The following TBC1D5 variants were observed in gnomAD, a reference collection of about 807,000 sequenced individuals.
The protein encoded by TBC1D5 is TBC1 domain family member 5, also known as TBC1 domain family, member 5.
TBC1D5 carries 75 observed loss-of-function variants against 100.3 expected under a neutral mutation model. The ratio of observed to expected loss-of-function variants is 0.75; its 90% CI spans 0.62 to 0.91. TBC1D5 has a LOEUF of 0.91. Among genes scored for constraint, TBC1D5 ranks in the 40% least tolerant of loss-of-function variants. The probability of loss-of-function intolerance (pLI) is 0.00; values close to 1 mark genes in which losing one functional copy is unlikely to be tolerated. For missense variants in TBC1D5, 910 were observed against 942.4 expected, an observed-to-expected ratio of 0.97 and a Z score of 0.45; for synonymous variants, 323 against 325.6, an observed-to-expected ratio of 0.99 and a Z score of 0.09.
chr3:17,215,693 A>C (rs981875662), intron 17 of TBC1D5, among the ~76,000 whole-genome samples: 1 of 152,168 alleles, frequency 6.6e-6, no homozygotes, highest in Non-Finnish European at 1.5e-5. Context: ...ATTTAGGACC[A>C]CAGATTGGCC....
At chr3:17,461,380 G>C (rs886382160) in intron 3 of TBC1D5, among the ~76,000 whole-genome samples, 7 of 152,154 alleles carry the variant, frequency 4.6e-5, no homozygotes, top group African/African-American at 1.7e-4. Flanking sequence ...CCAAGACTGA[G>C]AAGATTTCCA....
intron 2 of TBC1D5, among the ~76,000 whole-genome samples, chr3:17,542,375 C>CA (rs1056042915): frequency 4.0e-5 from 6 of 151,822 alleles, no homozygotes; most frequent in African/African-American, 7.3e-5. Flanking sequence ...TTCTCTCTCT[C>CA]AAAAAAAATT....
intron 13 of TBC1D5, among the ~76,000 whole-genome samples, chr3:17,319,975 A>T (rs747037849): frequency 3.9e-5 from 6 of 152,230 alleles, no homozygotes; most frequent in Non-Finnish European, 7.3e-5. Context: ...ACAAATAAAT[A>T]ACTTGCTCTT....
chr3:17,247,671 C>T (rs1576259267), intron 16 of TBC1D5, among the ~76,000 whole-genome samples: 2 of 152,176 alleles, frequency 1.3e-5, no homozygotes, highest in East Asian at 3.8e-4. Context: ...CTCAATAGCA[C>T]ATGATGCTAT....
At chr3:17,490,390 T>C (rs2095624102) in intron 3 of TBC1D5, among the ~76,000 whole-genome samples, 1 of 152,216 alleles carries the variant, frequency 6.6e-6, no homozygotes, top group African/African-American at 2.4e-5. Context: ...TTTTGGGGAT[T>C]TCATCATAAA....
intron 17 of TBC1D5, among the ~76,000 whole-genome samples, chr3:17,217,856 T>C (rs949370817): frequency 6.6e-6 from 1 of 152,062 alleles, no homozygotes; most frequent in Non-Finnish European, 1.5e-5. Flanking sequence ...CCAAAACTGC[T>C]TAATTGGATG....
chr3:17,626,661 C>A (rs1338678244), intron 1 of TBC1D5, among the ~76,000 whole-genome samples: 1 of 152,006 alleles, frequency 6.6e-6, no homozygotes, highest in African/African-American at 2.4e-5. Context: ...AAGACAAGAG[C>A]TGCAAGTTGG....
intron 1 of TBC1D5, among the ~76,000 whole-genome samples, chr3:17,651,903 C>T (rs1377913721): frequency 2.0e-5 from 3 of 151,988 alleles, no homozygotes; most frequent in African/African-American, 7.2e-5. Flanking sequence ...CCTGATTCTG[C>T]CTGAAAACCC....
At chr3:17,591,496 G>A (rs2096771500) in intron 2 of TBC1D5, among the ~76,000 whole-genome samples, 1 of 152,012 alleles carries the variant, frequency 6.6e-6, no homozygotes, top group South Asian at 2.1e-4. Flanking sequence ...GACATTTCGG[G>A]GGACTACTGG....
chr3:17,503,338 T>C (rs77673243), intron 3 of TBC1D5, among the ~76,000 whole-genome samples: 3 of 149,564 alleles, frequency 2.0e-5, no homozygotes, highest in Non-Finnish European at 4.4e-5. Flanking sequence ...CACAGTTGGA[T>C]TCTCTACCAA....
chr3:17,253,492 G>A lies in TBC1D5; in HGVS notation c.1331+5014C>T, dbSNP rs76653039. Reference sequence around the variant, plus strand: ...TTTCTTTTTATAAAACAAAACTTAGGTATAATTTATATATAATATACAGAT... The same window carrying A: ...TTTCTTTTTATAAAACAAAACTTAGATATAATTTATATATAATATACAGAT... On this transcript the variant is annotated intron_variant, in intron 16 of 21. Transcript: ENST00000253692. Among the ~76,000 whole-genome samples the A allele has an allele frequency of 5.4e-3, 825 of 152,182 alleles. 5 individuals are homozygous for A. The highest frequency in any genetic ancestry group is 0.018 in the African/African-American group (760 of 41,540).
intron 2 of TBC1D5, among the ~76,000 whole-genome samples, chr3:17,534,406 A>C (rs2096263747): frequency 6.6e-6 from 1 of 152,208 alleles, no homozygotes. Flanking sequence ...TCAATGGATA[A>C]GGAAATTTTA....
chr3:17,338,825 G>A (rs2088375671), intron 13 of TBC1D5, among the ~76,000 whole-genome samples: 1 of 152,090 alleles, frequency 6.6e-6, no homozygotes, highest in Non-Finnish European at 1.5e-5. Context: ...GCTAAAAGGG[G>A]AAGTATATGA....
intron 2 of TBC1D5, among the ~76,000 whole-genome samples, chr3:17,513,469 C>T (rs1468936912): frequency 1.3e-5 from 2 of 152,140 alleles, no homozygotes; most frequent in Non-Finnish European, 2.9e-5. Flanking sequence ...AGCAGAACCT[C>T]TAGAAATGAA....
rs149081279 is a variant in TBC1D5, at chr3:17,707,137, T to C, written c.-101+32206A>G. Among the ~76,000 whole-genome samples the C allele has an allele frequency of 9.9e-3, 1,510 of 152,184 alleles. 28 individuals are homozygous for C. The highest frequency in any genetic ancestry group is 0.034 in the African/African-American group (1,414 of 41,568). ...ATTTAATTTGAGATAAATTCAAAGA[T>C]ATCATGAATAGTTATTATAACTTTT... On this transcript the variant is annotated intron_variant, in intron 1 of 21. Coordinates refer to ENST00000253692, the Ensembl canonical transcript of TBC1D5.
intron 1 of TBC1D5, among the ~76,000 whole-genome samples, chr3:17,668,271 G>C (rs976715463): frequency 1.3e-5 from 2 of 151,104 alleles, no homozygotes; most frequent in African/African-American, 4.8e-5. Context: ...AGAGGAATGG[G>C]GGGGTGGCTA....
At chr3:17,452,040 GCT>G (rs2094939930) in intron 3 of TBC1D5, among the ~76,000 whole-genome samples, 1 of 152,214 alleles carries the variant, frequency 6.6e-6, no homozygotes, top group East Asian at 1.9e-4. Flanking sequence ...AGTTTTTATT[GCT>G]TTTTTTTAAT....
intron 18 of TBC1D5, among the ~76,000 whole-genome samples, chr3:17,185,714 A>T (rs993335501): frequency 9.4e-5 from 14 of 149,672 alleles, no homozygotes; most frequent in Middle Eastern, 3.2e-3. Flanking sequence ...AAAAAAAAAT[A>T]AAAAAAAAGA....
intron 2 of TBC1D5, among the ~76,000 whole-genome samples, chr3:17,588,639 T>C (rs2096747399): frequency 6.6e-6 from 1 of 152,156 alleles, no homozygotes; most frequent in Non-Finnish European, 1.5e-5. Context: ...CCTCTTTTTT[T>C]GAAGTTGTGC....
Sources: allele counts gnomAD v4.1 joint callset (sites outside exome capture counted in the v4.1 genomes callset), GRCh38; gene constraint gnomAD v4.1.1; transcripts MANE v1.5; gene names NCBI Gene and HGNC (gene_info 2026-07-23, HGNC 2026-07-21).